Variants in ARHGAP42 observed in about 807,000 individuals in gnomAD.
The protein encoded by ARHGAP42 is rho GTPase-activating protein 42.
A neutral mutation model predicts 125.0 loss-of-function variants in ARHGAP42; 63 were observed. The ratio of observed to expected loss-of-function variants is 0.50; its 90% CI spans 0.41 to 0.62. The LOEUF (loss-of-function observed/expected upper bound fraction) is 0.62, where lower values mean the gene tolerates loss of function less well. Ranked by LOEUF, ARHGAP42 falls within the 20% of genes least tolerant of loss-of-function variation. The pLI is 0.00. For synonymous variants in ARHGAP42, 339 were observed against 351.0 expected (o/e 0.97, Z 0.38); for missense variants, 766 against 1,024.2 (o/e 0.75, Z 3.44).
chr11:100,868,673 T>G lies in ARHGAP42; in HGVS notation c.384+9048T>G, dbSNP rs535442282. On this transcript the variant is annotated intron_variant, in intron 4 of 23. Coordinates refer to ENST00000298815, the MANE Select transcript of ARHGAP42 (RefSeq NM_152432.4). ...CTTAAGGAATACTGATGAGCTCATT[T>G]GGACAGTGAGATAGTGTCTTATAAT... 2.0e-5 allele frequency among the ~76,000 whole-genome samples: 3 copies of G among 152,316 alleles called. No individual in the cohort carries two copies. In the South Asian group the frequency reaches 6.2e-4, roughly 32 times the overall value.
intron 3 of ARHGAP42, chr11:100,839,881 A>G (rs554091818): frequency 5.9e-5 from 9 of 152,300 alleles, no homozygotes; most frequent in African/African-American, 2.2e-4. Flanking sequence ...GTGATTCTTA[A>G]GATACATGGA....
At chr11:100,924,207 A>G (rs1325251627) in intron 6 of ARHGAP42, among the ~76,000 whole-genome samples, 2 of 152,148 alleles carry the variant, frequency 1.3e-5, no homozygotes, top group African/African-American at 4.8e-5. Context: ...TATCTTCTAC[A>G]GATTGTAAGA....
intron 1 of ARHGAP42, among the ~76,000 whole-genome samples, chr11:100,749,791 A>T (rs1429923098): frequency 6.6e-6 from 1 of 152,152 alleles, no homozygotes; most frequent in Non-Finnish European, 1.5e-5. Context: ...CAACACTGCA[A>T]GTAGGGTCGT....
intron 12 of ARHGAP42, among the ~76,000 whole-genome samples, chr11:100,956,957 G>A (rs1473663447): frequency 3.9e-5 from 6 of 152,144 alleles, no homozygotes; most frequent in South Asian, 2.1e-4. Context: ...CCTTATTCAT[G>A]AAATTTACAT....
intron 1 of ARHGAP42, among the ~76,000 whole-genome samples, chr11:100,702,860 C>T (rs574963763): frequency 1.3e-5 from 2 of 152,006 alleles, no homozygotes; most frequent in African/African-American, 4.8e-5. Flanking sequence ...TTAGTAAAGA[C>T]GGGGTTGGCC....
chr11:100,854,631 G>T (rs1357727414), intron 3 of ARHGAP42, among the ~76,000 whole-genome samples: 1 of 152,012 alleles, frequency 6.6e-6, no homozygotes, highest in Admixed American at 6.6e-5. Context: ...GTGAGTTTTG[G>T]CCATTGAGAT....
intron 19 of ARHGAP42, among the ~76,000 whole-genome samples, chr11:100,975,027 A>C (rs1193700318): frequency 6.6e-6 from 1 of 152,120 alleles, no homozygotes; most frequent in Non-Finnish European, 1.5e-5. Flanking sequence ...AAGAAACAAC[A>C]CACATTATCA....
intron 12 of ARHGAP42, among the ~76,000 whole-genome samples, chr11:100,957,417 T>G (rs1857833793): frequency 6.6e-6 from 1 of 152,136 alleles, no homozygotes; most frequent in Admixed American, 6.6e-5. Context: ...TTCCCTCATT[T>G]TATAAATGAA....
At chr11:100,908,193 G>A (rs567179801) in intron 4 of ARHGAP42, among the ~76,000 whole-genome samples, 71 of 152,192 alleles carry the variant, frequency 4.7e-4, no homozygotes, top group African/African-American at 1.7e-3. Flanking sequence ...AGAAAAATGG[G>A]GTTAGATAAC....
intron 6 of ARHGAP42, among the ~76,000 whole-genome samples, chr11:100,932,752 T>G (rs530012106): frequency 6.6e-6 from 1 of 152,346 alleles, no homozygotes; most frequent in South Asian, 2.1e-4. Flanking sequence ...TGGGTACTTC[T>G]TATCTGTGAT....
chr11:100,792,201 T>C (rs1326186488), intron 2 of ARHGAP42, among the ~76,000 whole-genome samples: 1 of 152,208 alleles, frequency 6.6e-6, no homozygotes, highest in East Asian at 1.9e-4. Flanking sequence ...TATTCCAAAA[T>C]AGCTGTTGAC....
chr11:100,836,889 C>T (rs1247341200), intron 3 of ARHGAP42, among the ~76,000 whole-genome samples: 1 of 151,740 alleles, frequency 6.6e-6, no homozygotes, highest in Non-Finnish European at 1.5e-5. Context: ...TTACTTTCTG[C>T]TTTCTAGTCT....
intron 1 of ARHGAP42, among the ~76,000 whole-genome samples, chr11:100,688,535 T>G (rs1258459884): frequency 6.6e-6 from 1 of 152,128 alleles, no homozygotes; most frequent in Non-Finnish European, 1.5e-5. Context: ...TAGGGCTTCT[T>G]CCACCTCCTT....
At chr11:100,859,830 T>A (rs1865402690) in intron 4 of ARHGAP42, 1 of 375,622 alleles carries the variant, frequency 2.7e-6, no homozygotes. Context: ...ATAAGAAGCA[T>A]GTTATAAATG....
intron 18 of ARHGAP42, among the ~76,000 whole-genome samples, chr11:100,974,130 T>A (rs765747169): frequency 6.6e-6 from 1 of 152,142 alleles, no homozygotes; most frequent in African/African-American, 2.4e-5. Context: ...TGATATAGAG[T>A]GAGCCTCAGC....
chr11:100,753,930 A>G (rs1242604496), intron 1 of ARHGAP42, among the ~76,000 whole-genome samples: 1 of 151,886 alleles, frequency 6.6e-6, no homozygotes, highest in African/African-American at 2.4e-5. Flanking sequence ...GTTTCTTCCC[A>G]TTTTCCTGTT....
chr11:100,706,023 A>G (rs1003976614), intron 1 of ARHGAP42, among the ~76,000 whole-genome samples: 1 of 129,844 alleles, frequency 7.7e-6, no homozygotes, highest in Non-Finnish European at 1.5e-5. Flanking sequence ...CTCTGTCACC[A>G]TGCTGGAGTG....
rs1331530256 is a variant in ARHGAP42 at position 100,992,546 on chromosome 11, T to G, written c.*3745T>G. ...CATTCTGTGTCCTGCCTGTCTCCTG[T>G]TGATTCGCAGATGTAATATCGAGTA... On this transcript the variant is annotated 3_prime_UTR_variant, in exon 24 of 24. Transcript: ENST00000298815. 6.2e-7 allele frequency: 1 copy of G among 1,614,148 alleles called. No individual in the cohort carries two copies.
chr11:100,836,567 A>G (rs1389280264), intron 3 of ARHGAP42, among the ~76,000 whole-genome samples: 2 of 152,056 alleles, frequency 1.3e-5, no homozygotes, highest in African/African-American at 4.8e-5. Flanking sequence ...TGCTTTTCCT[A>G]ATAATTCAAA....
Sources: allele counts gnomAD v4.1 joint callset (sites outside exome capture counted in the v4.1 genomes callset), GRCh38; gene constraint gnomAD v4.1.1; transcripts MANE v1.5; gene names NCBI Gene and HGNC (gene_info 2026-07-23, HGNC 2026-07-21).